CYP4X1: variants seen among roughly 807,000 people sequenced by gnomAD.
The protein encoded by CYP4X1 is cytochrome P450 4X1.
CYP4X1 carries 44 observed loss-of-function variants against 57.9 expected under a neutral mutation model. The observed-to-expected ratio is 0.76, with a 90% confidence interval of 0.60 to 0.98. The LOEUF (loss-of-function observed/expected upper bound fraction) is 0.98. Among genes scored for constraint, CYP4X1 ranks in the 50% least tolerant of loss-of-function variants. The probability of loss-of-function intolerance (pLI) is 0.00; values close to 1 mark genes in which losing one functional copy is unlikely to be tolerated. For synonymous variants in CYP4X1, 227 were observed against 228.6 expected, an observed-to-expected ratio of 0.99 and a Z score of 0.06; for missense variants, 532 against 623.9, an observed-to-expected ratio of 0.85 and a Z score of 1.57.
the CYP4X1 span, among the ~76,000 whole-genome samples, chr1:46,977,361 G>C: frequency 6.6e-6 from 1 of 152,126 alleles, no homozygotes; most frequent in Non-Finnish European, 1.5e-5. Context: ...CGATCAAGTG[G>C]AGGAAAGGGT....
At chr1:47,008,028 A>G in the CYP4X1 span, among the ~76,000 whole-genome samples, 1 of 152,210 alleles carries the variant, frequency 6.6e-6, no homozygotes, top group Non-Finnish European at 1.5e-5. Flanking sequence ...AACTTCCCCA[A>G]TCTAGCAAGG....
At chr1:47,023,029 A>C (rs1470735848), upstream of CYP4X1, among the ~76,000 whole-genome samples, 3 of 152,198 alleles carry the variant, frequency 2.0e-5, no homozygotes. Flanking sequence ...TCAGCCCTTC[A>C]TGGGCATGAG....
intron 1 of CYP4X1, among the ~76,000 whole-genome samples, chr1:47,024,423 A>G (rs1234320525): frequency 6.6e-6 from 1 of 152,118 alleles, no homozygotes; most frequent in Non-Finnish European, 1.5e-5. Flanking sequence ...AACAAGAGAA[A>G]ATTTTCTTTT....
At chr1:47,001,071 G>A in the CYP4X1 span, 1 of 233,578 alleles carries the variant, frequency 4.3e-6, no homozygotes, top group South Asian at 8.0e-5. Context: ...ATTGTTTCCC[G>A]ATGCAGTTCC....
chr1:46,994,922 A>T, the CYP4X1 span, among the ~76,000 whole-genome samples: 59 of 152,352 alleles, frequency 3.9e-4, no homozygotes, highest in Non-Finnish European at 6.8e-4. Context: ...GGATTTCAGT[A>T]ATGAGAAAAT....
At position 47,038,750 on chromosome 1, in the gene CYP4X1, T is replaced by C; in HGVS notation, c.866T>C (p.Ile289Thr). The C allele has an allele frequency of 6.2e-7, 1 of 1,609,718 alleles. No homozygotes were observed. The highest frequency in any genetic ancestry group is 1.3e-5 in the African/African-American group (1 of 74,792). Residue 289 changes from isoleucine (I) to threonine (T), a missense_variant, in exon 7 of 12, where the codon ATT becomes ACT. Physicochemically the swap from Ile to Thr is moderately conservative, Grantham distance 89. Coordinates refer to ENST00000371901, the MANE Select transcript of CYP4X1 (RefSeq NM_178033.2). ...AGGAAGTACCAGGATTTTCTGGATA[T>C]TGTCCTTTCTGCCAAGGTAAATCTT... ...PKRKYQDFLDIVLSAKDESGS... is the reference protein window; with the variant it reads ...PKRKYQDFLDTVLSAKDESGS...
chr1:47,030,565 CT>C (rs1347208959), intron 2 of CYP4X1, among the ~76,000 whole-genome samples: 1 of 152,176 alleles, frequency 6.6e-6, no homozygotes, highest in Non-Finnish European at 1.5e-5. Flanking sequence ...CATCAGACCT[CT>C]TGATAGTGAT....
the CYP4X1 span, among the ~76,000 whole-genome samples, chr1:47,006,646 A>C: frequency 5.9e-5 from 9 of 152,212 alleles, no homozygotes; most frequent in Non-Finnish European, 1.2e-4. Context: ...CGCGTCACCC[A>C]GGAAGTGCAA....
At chr1:47,014,541 CTTTA>C in the CYP4X1 span, among the ~76,000 whole-genome samples, 1 of 152,220 alleles carries the variant, frequency 6.6e-6, no homozygotes, top group Non-Finnish European at 1.5e-5. Context: ...TCTCAACCCA[CTTTA>C]TTTTGATTTC....
At chr1:47,018,309 T>C in the CYP4X1 span, among the ~76,000 whole-genome samples, 2 of 152,344 alleles carry the variant, frequency 1.3e-5, no homozygotes, top group South Asian at 4.1e-4. Flanking sequence ...TGGGCTTTTG[T>C]TACGTTCCAG....
At chr1:46,978,711 C>G in the CYP4X1 span, among the ~76,000 whole-genome samples, 4 of 152,148 alleles carry the variant, frequency 2.6e-5, no homozygotes, top group Admixed American at 1.3e-4. Context: ...CCAAAATTGA[C>G]CACATAGTTG....
At chr1:47,039,773 G>A (rs370202872) in intron 8 of CYP4X1, 9 of 308,734 alleles carry the variant, frequency 2.9e-5, no homozygotes, top group Admixed American at 4.9e-5. Context: ...TCAATGGTGT[G>A]TGAAATGTCT....
chr1:46,990,978 C>T, the CYP4X1 span, among the ~76,000 whole-genome samples: 2 of 151,584 alleles, frequency 1.3e-5, no homozygotes, highest in African/African-American at 4.9e-5. Context: ...CAGCAAACCA[C>T]CACGGCACAT....
In CYP4X1 at chr1:47,048,616, G is replaced by T. The variant is rs1440070496; in HGVS notation, c.1259G>T (p.Trp420Leu). The change falls in exon 10 of 12, where the codon TGG becomes TTG. Residue 420 changes from tryptophan to leucine, a missense_variant. Coordinates refer to ENST00000371901, the MANE Select transcript of CYP4X1 (RefSeq NM_178033.2). The part of the protein sequence containing the change: ...IWGLHHNPAV[W>L]KNPKVFDPLR... ...GGTCTTCACCACAACCCTGCTGTCT[G>T]GAAAAACCCAAAGGTATGATTCTCT... is the stretch of plus-strand genomic sequence containing the variant. 2 of 1,611,230 alleles carry T rather than the reference G, an allele frequency of 1.2e-6. No individual in the cohort carries two copies.
chr1:46,962,242 A>T, the CYP4X1 span, among the ~76,000 whole-genome samples: 3 of 151,808 alleles, frequency 2.0e-5, no homozygotes, highest in Non-Finnish European at 4.4e-5. Flanking sequence ...TCAGCCTCCC[A>T]AGTAGCTGGG....
In CYP4X1 at chr1:47,048,206, G is replaced by A. The variant is rs372182217; in HGVS notation, c.1208-359G>A. On this transcript the variant is annotated intron_variant, in intron 9 of 11. Transcript: ENST00000371901. ...CAAGGTTACCGTGAGCAATGTTCACGCCACTGCTCTCCAGCCTGATTGACA... is the reference window on the plus strand; with the variant it reads ...CAAGGTTACCGTGAGCAATGTTCACACCACTGCTCTCCAGCCTGATTGACA... Among the ~76,000 whole-genome samples the A allele has an allele frequency of 3.3e-5, 5 of 152,294 alleles. No homozygotes were observed. In the East Asian group the frequency reaches 5.8e-4, roughly 18 times the overall value.
At position 47,039,544 on chromosome 1, in the gene CYP4X1, A is replaced by G. The variant is rs187027188; in HGVS notation, c.1073+12A>G. On this transcript the variant is annotated intron_variant, in intron 8 of 11. Transcript: ENST00000371901. ...TCTTCTATCACTTGGTAAGATCTGC[A>G]CCCCTAAATTTTCCTGCTAGTTTTC... 1,137 of 1,565,228 alleles carry G rather than the reference A, an allele frequency of 7.3e-4. 12 individuals carry two copies. The African/African-American group carries it at 0.013, about 18-fold the overall frequency.
the CYP4X1 span, among the ~76,000 whole-genome samples, chr1:47,012,264 C>T: frequency 0.34 from 51,368 of 151,644 alleles, 9,392 homozygotes; most frequent in East Asian, 0.55. Flanking sequence ...TGTAGGGACA[C>T]GGATGAAGCT....
chr1:47,038,645 T>C lies in CYP4X1; in HGVS notation c.776-15T>C, dbSNP rs746170511. 5 of 1,578,842 alleles carry C rather than the reference T, an allele frequency of 3.2e-6. No individual in the cohort carries two copies. The African/African-American group carries it at 4.1e-5, about 13-fold the overall frequency. ...TGCCATCACTTTGGTAATTGGAAAC[T>C]ATTTTTCTACCCAGATACAATAATC... is the stretch of plus-strand genomic sequence containing the variant. On this transcript the variant is annotated splice_polypyrimidine_tract_variant and intron_variant, in intron 6 of 11. Transcript: ENST00000371901.
Sources: allele counts gnomAD v4.1 joint callset (sites outside exome capture counted in the v4.1 genomes callset), GRCh38; gene constraint gnomAD v4.1.1; transcripts MANE v1.5; gene names NCBI Gene and HGNC (gene_info 2026-07-23, HGNC 2026-07-21).